Variants in KCNH7 observed in about 807,000 individuals in gnomAD.
KCNH7 encodes the protein voltage-gated inwardly rectifying potassium channel KCNH7.
KCNH7 carries 49 observed loss-of-function variants against 120.8 expected under a neutral mutation model. That is an observed-to-expected ratio of 0.41 (90% CI 0.32 to 0.51). The LOEUF (loss-of-function observed/expected upper bound fraction) is 0.51. KCNH7 is among the 20% of genes least tolerant of loss of function. KCNH7 has a pLI of 0.38. For synonymous variants in KCNH7, 547 were observed against 516.1 expected, an observed-to-expected ratio of 1.06 and a Z score of -0.81; for missense variants, 1,097 against 1,446.6, an observed-to-expected ratio of 0.76 and a Z score of 3.92.
rs201620270 is a variant in KCNH7, at chr2:162,577,291, GTCTATCTATCTA to G, written c.308-40223_308-40212del. Among the ~76,000 whole-genome samples, 287 of 127,424 alleles carry G rather than the reference GTCTATCTATCTA, an allele frequency of 2.3e-3. 1 individual carries two copies. Among genetic ancestry groups the G allele is most frequent in the Admixed American group, 4.5e-3 (56 of 12,448 alleles). The allele number at this position is 127,424 out of a possible 152,430, so 83.6% of individuals were successfully genotyped here. On this transcript the variant is annotated intron_variant, in intron 2 of 15. Coordinates refer to ENST00000332142, the MANE Select transcript of KCNH7 (RefSeq NM_033272.4). ...AAAGCATTAACAGATAGATCTATCT[GTCTATCTATCTA>G]TCTATCTATCTATCTATCTATCTAT...
intron 2 of KCNH7, among the ~76,000 whole-genome samples, chr2:162,543,468 T>C (rs1692380806): frequency 6.6e-6 from 1 of 152,180 alleles, no homozygotes; most frequent in African/African-American, 2.4e-5. Flanking sequence ...AGAACTAATC[T>C]AATTAACACA....
chr2:162,628,213 C>G (rs1229311970), intron 2 of KCNH7, among the ~76,000 whole-genome samples: 2 of 152,014 alleles, frequency 1.3e-5, no homozygotes, highest in African/African-American at 4.8e-5. Flanking sequence ...TTGAAATATG[C>G]CCTAAAATGA....
rs754912879 is a variant in KCNH7 at position 162,537,028 on chromosome 2, G to A, written c.360C>T (p.Gly120=). The A allele has an allele frequency of 1.1e-4, 183 of 1,612,186 alleles. No individual in the cohort carries two copies. The highest frequency in any genetic ancestry group is 3.3e-4 in the Middle Eastern group (2 of 6,070). Residue 120 remains glycine, a synonymous_variant, in exon 3 of 16, where the codon GGC becomes GGT. Transcript: ENST00000332142. ...AATTAATGATGAACATCATAGCCAC[G>A]CCCTCTTGGTTTTTCACTGGAATTA... ...THIIPVKNQE[G]VAMMFIINFE...
At chr2:162,778,946 CTTT>C (rs200107249) in intron 2 of KCNH7, among the ~76,000 whole-genome samples, 7 of 136,478 alleles carry the variant, frequency 5.1e-5, no homozygotes, top group East Asian at 2.1e-4. Context: ...GGAACAAATT[CTTT>C]TTTTTTTTTT....
intron 9 of KCNH7, among the ~76,000 whole-genome samples, chr2:162,408,156 A>ACC (rs1342310641): frequency 6.6e-6 from 1 of 152,038 alleles, no homozygotes; most frequent in East Asian, 1.9e-4. Context: ...TGGCTTTCTA[A>ACC]AGTTGCTAAA....
In KCNH7 at chr2:162,537,027, C is replaced by T. The variant is rs561784734; in HGVS notation, c.361G>A (p.Val121Met). ...HIIPVKNQEG[V>M]AMMFIINFEY... ...AAATTAATGATGAACATCATAGCCA[C>T]GCCCTCTTGGTTTTTCACTGGAATT... The change falls in exon 3 of 16, where the codon GTG (valine) becomes ATG (methionine). Residue 121 changes from valine (V) to methionine (M), a missense_variant. Around this residue, in one of 8 missense-constraint regions of KCNH7, gnomAD observed 362 missense variants for 372.2 expected, o/e 0.97. Coordinates refer to ENST00000332142, the MANE Select transcript of KCNH7 (RefSeq NM_033272.4). The T allele has an allele frequency of 1.2e-5, 20 of 1,612,502 alleles. No homozygotes were observed. Among genetic ancestry groups the T allele is most frequent in the South Asian group, 5.5e-5 (5 of 91,034 alleles).
chr2:162,638,346 T>A (rs1189357837), intron 2 of KCNH7, among the ~76,000 whole-genome samples: 1 of 152,140 alleles, frequency 6.6e-6, no homozygotes, highest in Non-Finnish European at 1.5e-5. Context: ...TTTCAAATGT[T>A]GATTTGAATA....
At chr2:162,622,725 C>T (rs563706914) in intron 2 of KCNH7, among the ~76,000 whole-genome samples, 7 of 152,130 alleles carry the variant, frequency 4.6e-5, no homozygotes, top group African/African-American at 7.2e-5. Context: ...TGCAACTGGT[C>T]GTAAAACCTG....
At chr2:162,503,802 CA>C (rs1690770788) in intron 6 of KCNH7, among the ~76,000 whole-genome samples, 1 of 152,006 alleles carries the variant, frequency 6.6e-6, no homozygotes, top group African/African-American at 2.4e-5. Flanking sequence ...GCACTGTAAG[CA>C]AAAGCTACGT....
intron 2 of KCNH7, among the ~76,000 whole-genome samples, chr2:162,744,947 GAC>G (rs1481404852): frequency 6.6e-6 from 1 of 152,140 alleles, no homozygotes; most frequent in African/African-American, 2.4e-5. Flanking sequence ...CTGATACTCA[GAC>G]ACCACTTAAC....
chr2:162,408,565 T>C (rs1434321723), intron 9 of KCNH7, among the ~76,000 whole-genome samples: 1 of 152,124 alleles, frequency 6.6e-6, no homozygotes, highest in Non-Finnish European at 1.5e-5. Context: ...CTGAACTTGT[T>C]AATGGAATTA....
chr2:162,809,218 C>T (rs565241247), intron 2 of KCNH7, among the ~76,000 whole-genome samples: 78 of 152,216 alleles, frequency 5.1e-4, no homozygotes, highest in African/African-American at 1.9e-3. Context: ...AAGTTGAAGA[C>T]AAAAATTTAC....
chr2:162,394,834 C>T (rs1686859296), intron 11 of KCNH7, among the ~76,000 whole-genome samples: 1 of 151,664 alleles, frequency 6.6e-6, no homozygotes, highest in South Asian at 2.1e-4. Flanking sequence ...TACAGTTGAC[C>T]CTTGAACAAT....
intron 7 of KCNH7, among the ~76,000 whole-genome samples, chr2:162,442,180 C>T (rs1383103354): frequency 6.6e-6 from 1 of 151,362 alleles, no homozygotes; most frequent in Non-Finnish European, 1.5e-5. Flanking sequence ...CGCCCGCCAC[C>T]ACGCCCAGCT....
chr2:162,835,093 C>G (rs1341280059), intron 2 of KCNH7, among the ~76,000 whole-genome samples: 30 of 151,946 alleles, frequency 2.0e-4, no homozygotes, highest in Admixed American at 2.0e-3. Flanking sequence ...TAAATGTTTT[C>G]AAGACAACAG....
chr2:162,779,548 T>C (rs1450525776), intron 2 of KCNH7, among the ~76,000 whole-genome samples: 2 of 152,162 alleles, frequency 1.3e-5, no homozygotes, highest in African/African-American at 4.8e-5. Context: ...AATATTATAC[T>C]CTTTCCTATC....
intron 2 of KCNH7, among the ~76,000 whole-genome samples, chr2:162,780,618 C>T (rs796744687): frequency 5.3e-5 from 8 of 152,110 alleles, no homozygotes; most frequent in African/African-American, 1.9e-4. Context: ...TTTATTTACC[C>T]TCTTATATTT....
chr2:162,756,148 A>G (rs539503061), intron 2 of KCNH7, among the ~76,000 whole-genome samples: 1 of 152,338 alleles, frequency 6.6e-6, no homozygotes, highest in East Asian at 1.9e-4. Context: ...TATTCAGTAA[A>G]CATCAAGAGA....
intron 15 of KCNH7, among the ~76,000 whole-genome samples, chr2:162,372,446 T>C (rs2105383049): frequency 6.6e-6 from 1 of 152,160 alleles, no homozygotes; most frequent in Admixed American, 6.6e-5. Context: ...TAAGAGGGTA[T>C]AAGGAGGAAA....
Sources: gnomAD v4.1 joint callset for allele counts (sites outside exome capture counted in the v4.1 genomes callset) on GRCh38, gnomAD v4.1.1 for gene constraint, gnomAD v4.1.1 regional missense constraint, MANE v1.5 for transcripts, NCBI Gene and HGNC (gene_info 2026-07-23, HGNC 2026-07-21) for gene names.